Variants in PTPRD observed in about 807,000 individuals in gnomAD.
The protein encoded by PTPRD is receptor-type tyrosine-protein phosphatase delta.
Under a neutral mutation model 214.5 loss-of-function variants are expected in PTPRD, and 34 were observed. The observed-to-expected ratio is 0.16, with a 90% CI of 0.12 to 0.21. The LOEUF (loss-of-function observed/expected upper bound fraction) is 0.21. PTPRD is among the 10% of genes least tolerant of loss of function. The probability of loss-of-function intolerance (pLI) is 1.00; values close to 1 mark genes in which losing one functional copy is unlikely to be tolerated. For missense variants in PTPRD, 2,545 were observed against 2,398.7 expected, an observed-to-expected ratio of 1.06 and a Z score of -1.27; for synonymous variants, 1,128 against 845.7, an observed-to-expected ratio of 1.33 and a Z score of -5.79.
chr9:8,764,759 C>A (rs1281237198), intron 11 of PTPRD, among the ~76,000 whole-genome samples: 1 of 151,478 alleles, frequency 6.6e-6, no homozygotes, highest in African/African-American at 2.4e-5. Context: ...TGCCCCATTG[C>A]ACTCCAGGAT....
chr9:9,577,857 C>G (rs1310267707), intron 7 of PTPRD, among the ~76,000 whole-genome samples: 1 of 151,706 alleles, frequency 6.6e-6, no homozygotes, highest in Non-Finnish European at 1.5e-5. Context: ...ACCAGCCTGT[C>G]CAACATGGTG....
At chr9:9,762,146 C>G (rs2098663415) in intron 6 of PTPRD, among the ~76,000 whole-genome samples, 1 of 152,194 alleles carries the variant, frequency 6.6e-6, no homozygotes, top group African/African-American at 2.4e-5. Flanking sequence ...CAGAGGTTGT[C>G]TGACCTGTTG....
chr9:8,630,711 C>T (rs1414688196), intron 14 of PTPRD, among the ~76,000 whole-genome samples: 1 of 151,806 alleles, frequency 6.6e-6, no homozygotes, highest in Non-Finnish European at 1.5e-5. Context: ...CCATATTAAA[C>T]ATTTTTGATG....
chr9:10,368,567 G>A (rs563680664), intron 2 of PTPRD, among the ~76,000 whole-genome samples: 2 of 151,992 alleles, frequency 1.3e-5, no homozygotes, highest in Non-Finnish European at 2.9e-5. Flanking sequence ...TTTTAATGCA[G>A]GATACAGAAA....
At chr9:9,033,593 C>A (rs529716882) in intron 10 of PTPRD, among the ~76,000 whole-genome samples, 3 of 152,262 alleles carry the variant, frequency 2.0e-5, no homozygotes, top group African/African-American at 4.8e-5. Flanking sequence ...GAGATAGATA[C>A]TTCGAAAATT....
chr9:8,937,360 T>A (rs543503235), intron 11 of PTPRD, among the ~76,000 whole-genome samples: 1 of 152,292 alleles, frequency 6.6e-6, no homozygotes, highest in South Asian at 2.1e-4. Context: ...TAAAGCCACA[T>A]TTTCAGAATC....
At chr9:8,746,519 T>G (rs531230313) in intron 11 of PTPRD, among the ~76,000 whole-genome samples, 4 of 152,150 alleles carry the variant, frequency 2.6e-5, no homozygotes, top group Non-Finnish European at 5.9e-5. Context: ...TTCTATAAAA[T>G]ACTGAAACAA....
chr9:10,484,953 G>A (rs1228038808), intron 2 of PTPRD, among the ~76,000 whole-genome samples: 1 of 151,832 alleles, frequency 6.6e-6, no homozygotes, highest in Non-Finnish European at 1.5e-5. Flanking sequence ...GTCCCAGAGA[G>A]TTTCTCTAAT....
At chr9:10,540,432 C>T (rs1301629607) in intron 2 of PTPRD, among the ~76,000 whole-genome samples, 2 of 152,162 alleles carry the variant, frequency 1.3e-5, no homozygotes, top group Non-Finnish European at 2.9e-5. Flanking sequence ...TACCATCTTT[C>T]TGAATCTTGT....
At chr9:8,517,246 T>C (rs1434398164) in intron 21 of PTPRD, among the ~76,000 whole-genome samples, 1 of 152,114 alleles carries the variant, frequency 6.6e-6, no homozygotes, top group Non-Finnish European at 1.5e-5. Flanking sequence ...CTTCATAAAA[T>C]AGTCTAATGT....
intron 2 of PTPRD, among the ~76,000 whole-genome samples, chr9:10,591,151 C>T (rs546991393): frequency 6.6e-6 from 1 of 151,888 alleles, no homozygotes; most frequent in African/African-American, 2.4e-5. Flanking sequence ...TTTGTGTGGA[C>T]CCTGCTGAAT....
chr9:8,542,432 G>C lies in PTPRD; in HGVS notation c.353-13653C>G, dbSNP rs774658708. Among the ~76,000 whole-genome samples the C allele has an allele frequency of 5.9e-5, 9 of 152,182 alleles. No homozygotes were observed. The South Asian group carries it at 1.9e-3, about 32-fold the overall frequency. ...GATAGGGAGAAGTGGAAAAAGTTCA[G>C]AATAATTTGAATGTCAATTTTACAA... On this transcript the variant is annotated intron_variant, in intron 14 of 45. Transcript: ENST00000381196.
chr9:8,722,160 T>C (rs543700864), intron 12 of PTPRD, among the ~76,000 whole-genome samples: 5 of 146,304 alleles, frequency 3.4e-5, no homozygotes, highest in African/African-American at 1.4e-4. Flanking sequence ...TGTGTGTGTG[T>C]GTGTGTACAG....
chr9:9,243,219 G>C (rs1342689370), intron 9 of PTPRD, among the ~76,000 whole-genome samples: 1 of 152,082 alleles, frequency 6.6e-6, no homozygotes, highest in Non-Finnish European at 1.5e-5. Context: ...GGTACAAGGA[G>C]GAGCTGCTAC....
intron 4 of PTPRD, among the ~76,000 whole-genome samples, chr9:9,947,135 G>A (rs941853437): frequency 6.7e-6 from 1 of 148,356 alleles, no homozygotes; most frequent in Non-Finnish European, 1.5e-5. Flanking sequence ...CCTTTATCAT[G>A]TATTCCTATA....
At chr9:8,734,021 G>T in intron 11 of PTPRD, 75 bp from the exon 12 acceptor site, 1 of 621,372 alleles carries the variant, frequency 1.6e-6, no homozygotes, top group Non-Finnish European at 2.9e-6. Context: ...TTTCCCCCCT[G>T]GTTCCATCAC....
intron 43 of PTPRD, among the ~76,000 whole-genome samples, chr9:8,333,499 A>G (rs1843473333): frequency 6.6e-6 from 1 of 152,216 alleles, no homozygotes; most frequent in African/African-American, 2.4e-5. Flanking sequence ...CAGAAAAGCA[A>G]ATGCTGAGAG....
Position 8,635,113 on chromosome 9 carries a change from A to G in PTPRD, c.210+1586T>C, listed in dbSNP as rs117209838. 8.8e-3 allele frequency among the ~76,000 whole-genome samples: 1,303 copies of G among 148,496 alleles called. 29 individuals carry two copies. The highest frequency in any genetic ancestry group is 0.063 in the East Asian group (321 of 5,132). The stretch of plus-strand genomic sequence containing the variant: ...TATATTAGTGTTAAATATAGTAAAG[A>G]TTTTCAACCAAGGACTTGATACAGT... On this transcript the variant is annotated intron_variant, in intron 13 of 45. Coordinates refer to ENST00000381196, the MANE Select transcript of PTPRD (RefSeq NM_002839.4).
chr9:9,746,391 T>C (rs1458318540), intron 6 of PTPRD, among the ~76,000 whole-genome samples: 2 of 152,062 alleles, frequency 1.3e-5, no homozygotes, highest in Admixed American at 6.6e-5. Context: ...AGAAAACATA[T>C]CTAAAAATCT....
Sources: gnomAD v4.1 joint callset for allele counts (sites outside exome capture counted in the v4.1 genomes callset) on GRCh38, gnomAD v4.1.1 for gene constraint, MANE v1.5 for transcripts, NCBI Gene and HGNC (gene_info 2026-07-23, HGNC 2026-07-21) for gene names.